CPVL: variants seen among roughly 807,000 people sequenced by gnomAD.
The protein encoded by CPVL is carboxypeptidase vitellogenic like.
Under a neutral mutation model 63.7 loss-of-function variants are expected in CPVL, and 51 were observed. That is an observed-to-expected ratio of 0.80 (90% CI 0.64 to 1.01). The LOEUF is 1.01. CPVL is among the 50% of genes least tolerant of loss of function. The pLI is 0.00. For synonymous variants in CPVL, 195 were observed against 206.0 expected (o/e 0.95, Z 0.46); for missense variants, 530 against 573.1 (o/e 0.92, Z 0.77).
chr7:29,103,490 T>C (rs1431160452), intron 3 of CPVL, among the ~76,000 whole-genome samples: 1 of 150,460 alleles, frequency 6.6e-6, no homozygotes, highest in Non-Finnish European at 1.5e-5. Context: ...CTTAACCTCA[T>C]GATCTGCCTG....
In CPVL at chr7:28,995,513, C is replaced by T. The variant is rs1022753909; in HGVS notation, c.*259G>A. On this transcript the variant is annotated 3_prime_UTR_variant, in exon 13 of 13. Transcript: ENST00000265394. Reference sequence around the variant, plus strand: ...AGACCCTAAAATTTCATTTATACATCTTGTCTCAGTGTCACATCATCCATA... The same window carrying T: ...AGACCCTAAAATTTCATTTATACATTTTGTCTCAGTGTCACATCATCCATA... 1.1e-5 allele frequency: 4 copies of T among 348,538 alleles called. No homozygotes were observed. The highest frequency in any genetic ancestry group is 2.0e-5 in the Non-Finnish European group (4 of 196,736). The allele number at this position is 348,538 out of a possible 1,614,324, so 21.6% of individuals were successfully genotyped here. A position where few individuals can be genotyped will look rare whatever the true frequency, so the allele number is the denominator to read the frequency against.
intron 11 of CPVL, among the ~76,000 whole-genome samples, chr7:29,046,879 C>T (rs1789676708): frequency 6.6e-6 from 1 of 152,130 alleles, no homozygotes; most frequent in Admixed American, 6.5e-5. Context: ...AATGAGGATA[C>T]ATCTTACAAT....
intron 8 of CPVL, 104 bp from the exon 9 acceptor site, chr7:29,072,008 T>C: frequency 7.1e-7 from 1 of 1,410,538 alleles, no homozygotes; most frequent in Non-Finnish European, 9.8e-7. Context: ...GTTAATATTG[T>C]GCTGGTTAGC....
intron 7 of CPVL, among the ~76,000 whole-genome samples, chr7:29,075,899 C>A (rs1227013852): frequency 6.7e-6 from 1 of 149,332 alleles, no homozygotes; most frequent in East Asian, 2.0e-4. Flanking sequence ...TTATGGAAAA[C>A]AGGCACTGAA....
intron 11 of CPVL, among the ~76,000 whole-genome samples, chr7:29,047,457 G>C (rs1199407473): frequency 6.6e-6 from 1 of 152,030 alleles, no homozygotes; most frequent in Non-Finnish European, 1.5e-5. Flanking sequence ...TGATGACAAA[G>C]ACTTCAAATT....
In CPVL at chr7:29,045,770, T is replaced by C. The variant is rs542342641; in HGVS notation, c.1138-15011A>G. Among the ~76,000 whole-genome samples the C allele has an allele frequency of 6.6e-5, 10 of 152,348 alleles. No individual in the cohort carries two copies. The East Asian group carries it at 1.9e-3, about 29-fold the overall frequency. On this transcript the variant is annotated intron_variant, in intron 11 of 12. Transcript: ENST00000265394. The stretch of plus-strand genomic sequence containing the variant: ...AACATTTTGCCATCAAAAAATGTTA[T>C]GATGGAAAATGCCACAAGCAATTAG...
chr7:29,041,277 A>G (rs1254544979), intron 11 of CPVL, among the ~76,000 whole-genome samples: 5 of 151,898 alleles, frequency 3.3e-5, no homozygotes, highest in African/African-American at 1.2e-4. Context: ...AGGTTTCACC[A>G]TGTTTCCCAG....
At chr7:29,091,979 C>A (rs577346228) in intron 6 of CPVL, among the ~76,000 whole-genome samples, 6 of 152,220 alleles carry the variant, frequency 3.9e-5, no homozygotes, top group African/African-American at 1.4e-4. Context: ...TATTATAATA[C>A]ATAAAGCGGT....
At chr7:29,089,732 A>G (rs900830939) in intron 6 of CPVL, among the ~76,000 whole-genome samples, 7 of 152,228 alleles carry the variant, frequency 4.6e-5, no homozygotes, top group Non-Finnish European at 8.8e-5. Context: ...GTGGGTTTAA[A>G]TACAACTGCA....
intron 6 of CPVL, among the ~76,000 whole-genome samples, chr7:29,087,858 G>C (rs1785371896): frequency 6.6e-6 from 1 of 152,198 alleles, no homozygotes; most frequent in Non-Finnish European, 1.5e-5. Context: ...TAGAGTTTCG[G>C]TGTATTTCTG....
chr7:29,051,976 T>C (rs1464017667), intron 11 of CPVL, among the ~76,000 whole-genome samples: 1 of 150,184 alleles, frequency 6.7e-6, no homozygotes, highest in Admixed American at 6.7e-5. Flanking sequence ...TACTCAACCA[T>C]AAAAAGGAAT....
At chr7:29,138,274 A>G (rs1791453047) in intron 1 of CPVL, among the ~76,000 whole-genome samples, 3 of 152,150 alleles carry the variant, frequency 2.0e-5, no homozygotes, top group South Asian at 4.1e-4. Context: ...CCCTGTCTCT[A>G]CAAAAAAATA....
chr7:29,168,169 ATCT>A (rs1226953937), intron 5 of CPVL, among the ~76,000 whole-genome samples: 1 of 152,162 alleles, frequency 6.6e-6, no homozygotes, highest in Non-Finnish European at 1.5e-5. Flanking sequence ...GAGACTGCAC[ATCT>A]TCTGACGTTT....
At chr7:29,103,252 T>TTG (rs1554339969) in intron 3 of CPVL, among the ~76,000 whole-genome samples, 2 of 88,092 alleles carry the variant, frequency 2.3e-5, no homozygotes, top group East Asian at 5.5e-4. Flanking sequence ...TGTTTTGTTT[T>TTG]TTTTTTTTTT....
intron 12 of CPVL, among the ~76,000 whole-genome samples, chr7:29,002,791 A>C (rs1420519204): frequency 6.6e-6 from 1 of 151,912 alleles, no homozygotes; most frequent in Non-Finnish European, 1.5e-5. Context: ...ATGCAGAAGA[A>C]ACACTATATG....
At chr7:29,165,481 A>G (rs1035185873) in intron 5 of CPVL, among the ~76,000 whole-genome samples, 6 of 152,106 alleles carry the variant, frequency 3.9e-5, no homozygotes, top group African/African-American at 1.2e-4. Flanking sequence ...AATTTTCCAC[A>G]GTCATGTTGT....
chr7:29,179,756 G>A (rs1198330578), intron 5 of CPVL, among the ~76,000 whole-genome samples: 1 of 152,130 alleles, frequency 6.6e-6, no homozygotes, highest in Non-Finnish European at 1.5e-5. Context: ...CAAAACACGG[G>A]TAAGAACTGG....
At chr7:29,154,600 G>A (rs750895042) in intron 5 of CPVL, among the ~76,000 whole-genome samples, 2 of 152,144 alleles carry the variant, frequency 1.3e-5, no homozygotes, top group Non-Finnish European at 2.9e-5. Flanking sequence ...TTGGGAGGCC[G>A]AGGCAGGCAG....
chr7:29,193,688 C>G (rs527346456), intron 1 of CPVL: 1 of 152,214 alleles, frequency 6.6e-6, no homozygotes, highest in Non-Finnish European at 1.5e-5. Flanking sequence ...AAGGGACACA[C>G]CTTGTGCTCG....
Sources: gnomAD v4.1 joint callset for allele counts (sites outside exome capture counted in the v4.1 genomes callset) on GRCh38, gnomAD v4.1.1 for gene constraint, MANE v1.5 for transcripts, NCBI Gene and HGNC (gene_info 2026-07-23, HGNC 2026-07-21) for gene names.